The following RSRC1 variants were observed in gnomAD, a reference collection of about 807,000 sequenced individuals.
RSRC1 encodes serine/Arginine-related protein 53.
In RSRC1, 39 loss-of-function variants were observed where a neutral mutation model predicts 49.1. The ratio of observed to expected loss-of-function variants is 0.79; its 90% confidence interval spans 0.61 to 1.04. The LOEUF (loss-of-function observed/expected upper bound fraction) is 1.04, where lower values mean the gene tolerates loss of function less well. Ranked by LOEUF, RSRC1 falls within the 50% of genes least tolerant of loss-of-function variation. The pLI is 0.00. For synonymous variants in RSRC1, 143 were observed against 130.8 expected (o/e 1.09, Z -0.63); for missense variants, 388 against 402.4 (o/e 0.96, Z 0.31).
chr3:158,513,125 T>C (rs958616321), intron 7 of RSRC1, among the ~76,000 whole-genome samples: 108 of 148,602 alleles, frequency 7.3e-4, no homozygotes, highest in Non-Finnish European at 1.2e-3. Flanking sequence ...CCTGCCTAAT[T>C]GCCCTGGGCA....
intron 1 of RSRC1, among the ~76,000 whole-genome samples, chr3:158,118,276 C>G (rs9290020): frequency 0.71 from 107,988 of 151,756 alleles, 39,166 homozygotes; most frequent in African/African-American, 0.83. Flanking sequence ...TTAGAGACAA[C>G]ATCTTGCTCT....
chr3:158,371,201 C>T (rs758400914), intron 6 of RSRC1, among the ~76,000 whole-genome samples: 50 of 151,548 alleles, frequency 3.3e-4, no homozygotes, highest in Admixed American at 1.6e-3. Context: ...ATATTTTCTC[C>T]CAGTCCTTGT....
intron 6 of RSRC1, among the ~76,000 whole-genome samples, chr3:158,459,944 G>A (rs1168148750): frequency 2.0e-5 from 3 of 151,786 alleles, no homozygotes; most frequent in Non-Finnish European, 4.4e-5. Flanking sequence ...TCCCCTTTAA[G>A]CCAGTCATTA....
intron 4 of RSRC1, among the ~76,000 whole-genome samples, chr3:158,252,782 C>T (rs987809604): frequency 1.3e-5 from 2 of 151,998 alleles, no homozygotes; most frequent in African/African-American, 4.8e-5. Context: ...GGTCTATTCA[C>T]GTTTTGTATT....
chr3:158,438,221 G>T (rs1171001288), intron 6 of RSRC1, among the ~76,000 whole-genome samples: 11 of 152,018 alleles, frequency 7.2e-5, no homozygotes, highest in Admixed American at 7.2e-4. Flanking sequence ...AAGAATCAAT[G>T]TCATGAAAAT....
chr3:158,306,193 A>G (rs1351357243), intron 5 of RSRC1, among the ~76,000 whole-genome samples: 1 of 151,900 alleles, frequency 6.6e-6, no homozygotes, highest in East Asian at 1.9e-4. Context: ...ATCTTTTCCT[A>G]CCTGCCATCA....
intron 6 of RSRC1, among the ~76,000 whole-genome samples, chr3:158,424,968 CT>C (rs1735320119): frequency 6.7e-6 from 1 of 148,890 alleles, no homozygotes; most frequent in Non-Finnish European, 1.5e-5. Context: ...ATTCTTCTCT[CT>C]TTTTTTCTTT....
At chr3:158,518,976 G>A (rs1256705711) in intron 7 of RSRC1, among the ~76,000 whole-genome samples, 2 of 151,938 alleles carry the variant, frequency 1.3e-5, no homozygotes, top group Admixed American at 1.3e-4. Flanking sequence ...TTTATCTGAA[G>A]TACAGGCTCT....
intron 6 of RSRC1, among the ~76,000 whole-genome samples, chr3:158,430,842 C>T (rs1327365033): frequency 6.6e-6 from 1 of 151,900 alleles, no homozygotes; most frequent in Non-Finnish European, 1.5e-5. Context: ...TAAAATATCA[C>T]ATCCAGTGTG....
Position 158,179,147 on chromosome 3 carries a change from AG to A in RSRC1, c.321-23924del, listed in dbSNP as rs1353206665. 1.7e-4 allele frequency among the ~76,000 whole-genome samples: 26 copies of A among 152,274 alleles called. 1 individual carries two copies. Among genetic ancestry groups the A allele is most frequent in the African/African-American group, 6.3e-4 (26 of 41,546 alleles). ...TTTATCTTGTCTAGTTGAATTGGCT[AG>A]TACCTTGAGAATAATGTATTTGGAT... On this transcript the variant is annotated intron_variant, in intron 3 of 9. Coordinates refer to ENST00000611884, the MANE Select transcript of RSRC1 (RefSeq NM_001271838.2).
chr3:158,224,102 A>G (rs1196472526), intron 4 of RSRC1, among the ~76,000 whole-genome samples: 1 of 151,744 alleles, frequency 6.6e-6, no homozygotes, highest in Non-Finnish European at 1.5e-5. Context: ...TGCAGAACAT[A>G]TAAATAATGC....
intron 6 of RSRC1, among the ~76,000 whole-genome samples, chr3:158,375,369 T>C (rs1732307133): frequency 1.3e-5 from 2 of 151,044 alleles, no homozygotes; most frequent in South Asian, 2.1e-4. Context: ...TCATATCCTT[T>C]TTTTTTTTTT....
chr3:158,167,949 G>GAGAC (rs1171623177), intron 3 of RSRC1, among the ~76,000 whole-genome samples: 4 of 152,148 alleles, frequency 2.6e-5, no homozygotes, highest in Non-Finnish European at 4.4e-5. Context: ...GAGCAAAGGC[G>GAGAC]AGACATTCTA....
chr3:158,271,984 T>G lies in RSRC1; in HGVS notation c.495-26055T>G, dbSNP rs142456981. Reference sequence around the variant, plus strand: ...TTTAATAATTTTTGTTTAATGTGCATTGATAATTTAAAACATGAAACTGCT... The same window carrying G: ...TTTAATAATTTTTGTTTAATGTGCAGTGATAATTTAAAACATGAAACTGCT... On this transcript the variant is annotated intron_variant, in intron 4 of 9. Transcript: ENST00000611884. 7.7e-4 allele frequency among the ~76,000 whole-genome samples: 117 copies of G among 152,336 alleles called. 1 individual carries two copies. Among genetic ancestry groups the G allele is most frequent in the African/African-American group, 2.8e-3 (117 of 41,594 alleles).
At chr3:158,424,672 A>G (rs1314469117) in intron 6 of RSRC1, among the ~76,000 whole-genome samples, 2 of 151,710 alleles carry the variant, frequency 1.3e-5, no homozygotes, top group South Asian at 2.1e-4. Flanking sequence ...TCCTCCTTGT[A>G]CCTCTGGTAG....
chr3:158,451,090 T>C (rs1736999440), intron 6 of RSRC1, among the ~76,000 whole-genome samples: 1 of 151,864 alleles, frequency 6.6e-6, no homozygotes. Context: ...TACTGTGAGG[T>C]ATGTATGCCA....
chr3:158,144,335 C>A (rs914256754), intron 3 of RSRC1, among the ~76,000 whole-genome samples: 3 of 151,906 alleles, frequency 2.0e-5, no homozygotes, highest in Admixed American at 1.3e-4. Context: ...CTTCCTGTGT[C>A]CAAGTGTTCT....
intron 3 of RSRC1, among the ~76,000 whole-genome samples, chr3:158,135,870 T>C (rs886648091): frequency 1.3e-5 from 2 of 152,198 alleles, no homozygotes; most frequent in Admixed American, 1.3e-4. Flanking sequence ...CTGCTCAAAA[T>C]GTACTTTTCT....
At chr3:158,354,281 G>C (rs530035475) in intron 5 of RSRC1, among the ~76,000 whole-genome samples, 1 of 152,082 alleles carries the variant, frequency 6.6e-6, no homozygotes, top group Non-Finnish European at 1.5e-5. Flanking sequence ...CAGCCACTGC[G>C]TCCGGCTGGA....
Sources: allele counts gnomAD v4.1 joint callset (sites outside exome capture counted in the v4.1 genomes callset), GRCh38; gene constraint gnomAD v4.1.1; transcripts MANE v1.5; gene names NCBI Gene and HGNC (gene_info 2026-07-23, HGNC 2026-07-21).